FKBP10: variants seen among roughly 807,000 people sequenced by gnomAD.
The protein encoded by FKBP10 is peptidyl-prolyl cis-trans isomerase FKBP10.
In FKBP10, 34 loss-of-function variants were observed where a neutral mutation model predicts 53.7. The ratio of observed to expected loss-of-function variants is 0.63; its 90% CI spans 0.48 to 0.84. The LOEUF (loss-of-function observed/expected upper bound fraction) is 0.84. Among genes scored for constraint, FKBP10 ranks in the 40% least tolerant of loss-of-function variants. The pLI is 0.00. For missense variants in FKBP10, 748 were observed against 797.8 expected, an observed-to-expected ratio of 0.94 and a Z score of 0.75; for synonymous variants, 324 against 335.7, an observed-to-expected ratio of 0.97 and a Z score of 0.38.
At chr17:41,822,074 C>T (rs576059575) in intron 9 of FKBP10, 149 bp from the exon 10 acceptor site, 2 of 885,866 alleles carry the variant, frequency 2.3e-6, no homozygotes, top group Non-Finnish European at 3.5e-6. Context: ...GCACCAGTGC[C>T]TTTCCCAGCC....
intron 1 of FKBP10, among the ~76,000 whole-genome samples, chr17:41,816,671 G>A (rs1057189773): frequency 1.3e-5 from 2 of 152,112 alleles, no homozygotes; most frequent in Non-Finnish European, 2.9e-5. Flanking sequence ...AAGAAGATAC[G>A]GAATGTAAAA....
rs377522367 is a variant in FKBP10 at position 41,817,134 on chromosome 17, G to A, written c.322G>A (p.Gly108Ser). ...LITGMDRGLM[G>S]MCVNERRRLI... The stretch of plus-strand genomic sequence containing the variant: ...CACTGGCATGGACCGAGGCCTCATG[G>A]GCATGTGTGTCAACGAGCGGCGACG... The change falls in exon 2 of 10, where the codon GGC becomes AGC. Residue 108 changes from glycine (G) to serine (S), a missense_variant. Transcript: ENST00000321562. 12 of 1,613,992 alleles carry A rather than the reference G, an allele frequency of 7.4e-6. No homozygotes were observed. The African/African-American group carries it at 1.1e-4, about 14-fold the overall frequency.
chr17:41,815,611 G>A (rs914796488), intron 1 of FKBP10, among the ~76,000 whole-genome samples: 4 of 151,134 alleles, frequency 2.6e-5, no homozygotes, highest in East Asian at 4.0e-4. Flanking sequence ...GACTACAGGC[G>A]CCTCCACAAT....
At chr17:41,814,751 G>GT (rs142169452) in intron 1 of FKBP10, among the ~76,000 whole-genome samples, 11,253 of 152,042 alleles carry the variant, frequency 0.074, 538 homozygotes, top group South Asian at 0.088. Flanking sequence ...AAAACTTTTT[G>GT]TTTTTTAGCT....
At chr17:41,819,886 G>T (rs377206833) in intron 6 of FKBP10, 1 of 1,542,772 alleles carries the variant, frequency 6.5e-7, no homozygotes, top group Non-Finnish European at 8.8e-7. Flanking sequence ...CGCCCCTTCC[G>T]CAGTGGAGAA....
chr17:41,821,735 T>C lies in FKBP10; in HGVS notation c.1481T>C (p.Leu494Pro), dbSNP rs782755952. ...SREDGLPTGY[L>P]FVWHKDPPAN... ...GAGGATGGGCTGCCCACAGGCTACC[T>C]GTTTGTGTGGCACAAGGACCCTCCT... Residue 494 changes from leucine (L) to proline (P), a missense_variant, in exon 9 of 10, where the codon CTG becomes CCG. Leu to Pro is a moderately conservative substitution (Grantham distance 98). Transcript: ENST00000321562. 2 of 1,614,150 alleles carry C rather than the reference T, an allele frequency of 1.2e-6. No homozygotes were observed. Among genetic ancestry groups the C allele is most frequent in the Non-Finnish European group, 1.7e-6 (2 of 1,180,002 alleles).
chr17:41,817,231 G>A (rs782507882), intron 2 of FKBP10, 28 bp downstream of exon 2: 8 of 1,608,602 alleles, frequency 5.0e-6, no homozygotes, highest in Non-Finnish European at 6.8e-6. Context: ...ACAGGCCGGG[G>A]GTGGAGGAGA....
intron 4 of FKBP10, 135 bp from the exon 5 acceptor site, chr17:41,819,075 G>A (rs1170628012): frequency 1.1e-6 from 1 of 885,906 alleles, no homozygotes; most frequent in South Asian, 1.5e-5. Context: ...CAAGAAGCAG[G>A]GCTGCTGATG....
Position 41,822,665 on chromosome 17 carries a change from G to A in FKBP10, c.*257G>A. 1 of 534,952 alleles carries A rather than the reference G, an allele frequency of 1.9e-6. No homozygotes were observed. Among genetic ancestry groups the A allele is most frequent in the Middle Eastern group, 5.2e-4 (1 of 1,940 alleles). The allele number at this position is 534,952 out of a possible 1,614,324, so 33.1% of individuals were successfully genotyped here. A position where few individuals can be genotyped will look rare whatever the true frequency, so the allele number is the denominator to read the frequency against. On this transcript the variant is annotated 3_prime_UTR_variant, in exon 10 of 10. Coordinates refer to ENST00000321562, the MANE Select transcript of FKBP10 (RefSeq NM_021939.4). ...TTTGGATTTGCAAAGCCAATTTGGGGCCTGTGGAGCCTGGGGTTGGATAGG... is the reference window on the plus strand; with the variant it reads ...TTTGGATTTGCAAAGCCAATTTGGGACCTGTGGAGCCTGGGGTTGGATAGG...
chr17:41,820,512 G>A (rs562720996), intron 7 of FKBP10, 51 bp downstream of exon 7: 2 of 1,595,272 alleles, frequency 1.3e-6, no homozygotes, highest in African/African-American at 1.3e-5. Flanking sequence ...CACAGGCATG[G>A]GGAGTCCTCC....
Position 41,821,656 on chromosome 17 carries a change from C to G in FKBP10, c.1402C>G (p.Arg468Gly). The change falls in exon 9 of 10, where the codon CGG becomes GGG. Residue 468 changes from arginine (R) to glycine (G), a missense_variant and splice_region_variant. Transcript: ENST00000321562. ...CTTCTCTCCTGCCCTCCCTCCAGCC[C>G]GGGGAGTCCCAGGCAGTGCTGTGCT... ...PHLAHGESGA[R>G]GVPGSAVLLF... The G allele has an allele frequency of 1.9e-6, 3 of 1,613,844 alleles. No homozygotes were observed. The highest frequency in any genetic ancestry group is 2.5e-6 in the Non-Finnish European group (3 of 1,179,980).
chr17:41,813,389 A>C, intron 1 of FKBP10, 110 bp downstream of exon 1: 1 of 1,460,926 alleles, frequency 6.8e-7, no homozygotes, highest in South Asian at 1.1e-5. Flanking sequence ...AACCCTAGAC[A>C]GCACCCCTGG....
rs782229046 is a variant in FKBP10 at position 41,817,153 on chromosome 17, G to A, written c.341G>A (p.Arg114Gln). The A allele has an allele frequency of 6.2e-6, 10 of 1,614,068 alleles. No homozygotes were observed. Among genetic ancestry groups the A allele is most frequent in the African/African-American group, 1.3e-5 (1 of 75,052 alleles). The change falls in exon 2 of 10, where the codon CGG becomes CAG. Residue 114 changes from arginine to glutamine, a missense_variant. By Grantham distance (43) the Arg-to-Gln change is conservative. Coordinates refer to ENST00000321562, the MANE Select transcript of FKBP10 (RefSeq NM_021939.4). ...CTCATGGGCATGTGTGTCAACGAGC[G>A]GCGACGCCTCATTGTGCCTCCCCAC... ...RGLMGMCVNE[R>Q]RRLIVPPHLG...
intron 6 of FKBP10, 172 bp downstream of exon 6, chr17:41,819,847 T>C (rs1597908324): frequency 6.5e-7 from 1 of 1,538,592 alleles, no homozygotes; most frequent in Non-Finnish European, 8.8e-7. Flanking sequence ...ACAGACTCCA[T>C]CGGTTTCCTC....
In FKBP10 at chr17:41,818,220, G is replaced by A. The variant is rs781949431; in HGVS notation, c.523G>A (p.Asp175Asn). Residue 175 changes from aspartate to asparagine, a missense_variant, in exon 3 of 10, where the codon GAC (aspartate) becomes AAC (asparagine). Transcript: ENST00000321562. ...CTGCCCCCGCATGGTCCAGGACGGC[G>A]ACTTTGTCCGCTACCACTACAATGG... ...PHCPRMVQDG[D>N]FVRYHYNGTL... 12 of 1,613,446 alleles carry A rather than the reference G, an allele frequency of 7.4e-6. 2 individuals are homozygous for A. In the South Asian group the frequency reaches 7.7e-5, roughly 10 times the overall value.
At position 41,820,944 on chromosome 17, in the gene FKBP10, C is replaced by A. The variant is rs1555616941; in HGVS notation, c.1257-3C>A. Reference sequence around the variant, plus strand: ...GCTGACCTGGGCATCTGCTCTCCCCCAGGCATGACTACGGGGCCCCCCAGG... The same window carrying A: ...GCTGACCTGGGCATCTGCTCTCCCCAAGGCATGACTACGGGGCCCCCCAGG... On this transcript the variant is annotated splice_polypyrimidine_tract_variant and splice_region_variant and intron_variant, in intron 7 of 9. Transcript: ENST00000321562. 6 of 1,611,646 alleles carry A rather than the reference C, an allele frequency of 3.7e-6. No individual in the cohort carries two copies. The highest frequency in any genetic ancestry group is 5.1e-6 in the Non-Finnish European group (6 of 1,179,302).
rs782702833 is a variant in FKBP10, at chr17:41,820,989, C to A, written c.1299C>A (p.Asn433Lys). ...CCCAGGAGGCGACTCTCGGGGCCAA[C>A]AAGGTGATCGAAGGCCTGGACACGG... ...GAPQEATLGA[N>K]KVIEGLDTGL... Residue 433 changes from asparagine (N) to lysine (K), a missense_variant, in exon 8 of 10, where the codon AAC becomes AAA. Transcript: ENST00000321562. 47 of 1,611,272 alleles carry A rather than the reference C, an allele frequency of 2.9e-5. No homozygotes were observed. Among genetic ancestry groups the A allele is most frequent in the Middle Eastern group, 1.7e-4 (1 of 6,050 alleles).
rs2047908308 is a variant in FKBP10 at position 41,822,731 on chromosome 17, T to A, written c.*323T>A. 2.3e-6 allele frequency: 1 copy of A among 432,220 alleles called. No individual in the cohort carries two copies. The highest frequency in any genetic ancestry group is 4.3e-6 in the Non-Finnish European group (1 of 230,990). The allele number at this position is 432,220 out of a possible 1,614,324, so 26.8% of individuals were successfully genotyped here. A position where few individuals can be genotyped will look rare whatever the true frequency, so the allele number is the denominator to read the frequency against. On this transcript the variant is annotated 3_prime_UTR_variant, in exon 10 of 10. Transcript: ENST00000321562. ...CCACCATACCTCCCCTCCACATCAC[T>A]GACACAGCTGAGCTTGTTATCCATC...
chr17:41,816,870 G>A (rs998834996), intron 1 of FKBP10, among the ~76,000 whole-genome samples, 188 bp from the exon 2 acceptor site: 8 of 152,204 alleles, frequency 5.3e-5, no homozygotes, highest in African/African-American at 1.9e-4. Context: ...TTCTCTTAAG[G>A]TGGGCGTCAC....
Sources: gnomAD v4.1 joint callset for allele counts (sites outside exome capture counted in the v4.1 genomes callset) on GRCh38, gnomAD v4.1.1 for gene constraint, MANE v1.5 for transcripts, NCBI Gene and HGNC (gene_info 2026-07-23, HGNC 2026-07-21) for gene names.